Variants in TEX14 observed in about 807,000 individuals in gnomAD.
TEX14 encodes the protein inactive serine/threonine-protein kinase TEX14.
In TEX14, 168 loss-of-function variants were observed where a neutral mutation model predicts 178.6. That is an observed-to-expected ratio of 0.94 (90% CI 0.83 to 1.07). TEX14 has a LOEUF of 1.07. Among genes scored for constraint, TEX14 ranks in the 50% least tolerant of loss-of-function variants. The pLI is 0.00. For synonymous variants in TEX14, 626 were observed against 634.1 expected, an observed-to-expected ratio of 0.99 and a Z score of 0.19; for missense variants, 1,730 against 1,753.6, an observed-to-expected ratio of 0.99 and a Z score of 0.24.
chr17:58,612,051 C>T (rs1193677588), intron 9 of TEX14, among the ~76,000 whole-genome samples: 2 of 152,188 alleles, frequency 1.3e-5, no homozygotes, highest in Non-Finnish European at 2.9e-5. Context: ...ACTCCAAGAG[C>T]TCTCTAAACC....
At chr17:58,619,898 T>C (rs73327378) in intron 5 of TEX14, among the ~76,000 whole-genome samples, 2 of 152,020 alleles carry the variant, frequency 1.3e-5, no homozygotes, top group East Asian at 3.9e-4. Context: ...AACTAAATGC[T>C]GTATCTAGAT....
In TEX14 at chr17:58,585,934, C is replaced by A. The variant is rs55924999; in HGVS notation, c.2937G>T (p.Thr979=). The A allele has an allele frequency of 5.4e-3, 8,746 of 1,614,008 alleles. 36 individuals carry two copies. Among genetic ancestry groups the A allele is most frequent in the African/African-American group, 9.1e-3 (683 of 74,968 alleles). The part of the protein sequence containing the change: ...LQPPIRSPEN[T]DWQRVIEYHR... ...GATACTCAATAACTCGCTGCCAATC[C>A]GTGTTTTCTGGGCTCCTAATGGGGG... Residue 979 remains threonine, a synonymous_variant, in exon 18 of 32, where the codon ACG becomes ACT. Transcript: ENST00000349033.
rs747522674 is a variant in TEX14 at position 58,616,274 on chromosome 17, T to C, written c.668A>G (p.Tyr223Cys). 14 of 1,613,904 alleles carry C rather than the reference T, an allele frequency of 8.7e-6. No homozygotes were observed. The highest frequency in any genetic ancestry group is 1.1e-5 in the Non-Finnish European group (13 of 1,179,932). Residue 223 changes from tyrosine to cysteine, a missense_variant, in exon 7 of 32, where the codon TAT becomes TGT. By Grantham distance (194) the Tyr-to-Cys change is radical. Around this residue, in one of 2 missense-constraint regions of TEX14, gnomAD observed 789 missense variants for 681.2 expected, o/e 1.16. Transcript: ENST00000349033. ...TCCAATGACCGGAAGAGATCCTAGA[T>C]AGGCCATCTGTGTCGCCCCAGTAAG... ...FYLTGATQMAYLGSLPVIGEK... is the reference protein window; with the variant it reads ...FYLTGATQMACLGSLPVIGEK...
At chr17:58,645,055 A>C (rs891470652) in intron 2 of TEX14, among the ~76,000 whole-genome samples, 56 of 138,312 alleles carry the variant, frequency 4.0e-4, no homozygotes, top group African/African-American at 1.4e-3. Context: ...GCGTGATCTC[A>C]GCTCACTGCA....
chr17:58,571,533 T>C (rs2044529168), intron 24 of TEX14, among the ~76,000 whole-genome samples: 2 of 151,932 alleles, frequency 1.3e-5, no homozygotes, highest in South Asian at 4.2e-4. Context: ...CCACTGTGCC[T>C]GGCCAGAACT....
chr17:58,688,502 T>C (rs2047638652), intron 1 of TEX14, among the ~76,000 whole-genome samples: 1 of 152,208 alleles, frequency 6.6e-6, no homozygotes, highest in Admixed American at 6.5e-5. Flanking sequence ...TCCAACTGAA[T>C]ATGCGCATTA....
intron 14 of TEX14, among the ~76,000 whole-genome samples, chr17:58,598,154 A>C (rs1262694659): frequency 6.6e-6 from 1 of 151,948 alleles, no homozygotes; most frequent in African/African-American, 2.4e-5. Flanking sequence ...ATCTCTATTA[A>C]AAATACAAAA....
chr17:58,570,483 T>C lies in TEX14; in HGVS notation c.3719A>G (p.Lys1240Arg). Reference sequence around the variant, plus strand: ...AGCCCCAATAAATGAAGACAATCTTTTCTATAAGGAAGAGATAAACATGGT... The same window carrying C: ...AGCCCCAATAAATGAAGACAATCTTCTCTATAAGGAAGAGATAAACATGGT... ...ETPPSRLTGL[K>R]RLSSFIGAGS... The change falls in exon 25 of 32, where the codon AAA becomes AGA. Residue 1240 changes from lysine (K) to arginine (R), a missense_variant and splice_region_variant. Lys to Arg is a conservative substitution (Grantham distance 26). This residue lies in a region of TEX14 where 941 missense variants were observed against 1,072.4 expected (regional missense o/e 0.88). Transcript: ENST00000349033. 6.6e-7 allele frequency: 1 copy of C among 1,524,034 alleles called. No individual in the cohort carries two copies. The highest frequency in any genetic ancestry group is 8.7e-7 in the Non-Finnish European group (1 of 1,147,400). 94.4% of individuals were successfully genotyped at this position (1,524,034 alleles called of 1,614,324 possible).
chr17:58,642,848 C>T (rs1039672307), intron 2 of TEX14, among the ~76,000 whole-genome samples: 5 of 152,136 alleles, frequency 3.3e-5, no homozygotes, highest in African/African-American at 1.2e-4. Context: ...CACTCCAGTA[C>T]ATTCTCACTT....
rs1485861926 is a variant in TEX14 at position 58,557,837 on chromosome 17, G to C, written c.4281C>G (p.Ser1427=). 6.2e-7 allele frequency: 1 copy of C among 1,611,504 alleles called. No individual in the cohort carries two copies. Among genetic ancestry groups the C allele is most frequent in the East Asian group, 2.2e-5 (1 of 44,844 alleles). ...LGTSEEDELK[S]CFWKRLGWSE... is the part of the protein sequence containing the mutation. Reference sequence around the variant, plus strand: ...ACCAACCTAGTCGCTTCCAAAAACAGGATTTTAGTTCATCTTGATGAAATA... The same window carrying C: ...ACCAACCTAGTCGCTTCCAAAAACACGATTTTAGTTCATCTTGATGAAATA... The change falls in exon 31 of 32, where the codon TCC becomes TCG. Residue 1427 remains serine (S), a synonymous_variant. Coordinates refer to ENST00000349033, the MANE Select transcript of TEX14 (RefSeq NM_031272.5).
At chr17:58,558,449 G>A (rs1237553711) in intron 30 of TEX14, among the ~76,000 whole-genome samples, 2 of 152,174 alleles carry the variant, frequency 1.3e-5, no homozygotes, top group Admixed American at 6.5e-5. Flanking sequence ...AGTAAGCAGT[G>A]AGGCAAAGTA....
chr17:58,670,056 G>A (rs138944408), intron 1 of TEX14, among the ~76,000 whole-genome samples: 2 of 152,172 alleles, frequency 1.3e-5, no homozygotes, highest in East Asian at 1.9e-4. Flanking sequence ...GCCTTTGCCT[G>A]TGTAGTTCCC....
intron 1 of TEX14, among the ~76,000 whole-genome samples, chr17:58,671,117 T>TGTAGCTC (rs1432327675): frequency 5.3e-5 from 8 of 152,218 alleles, no homozygotes; most frequent in African/African-American, 1.9e-4. Flanking sequence ...TTCTTTGAGC[T>TGTAGCTC]ACATCCTGGG....
At chr17:58,638,547 T>TC (rs1428911079) in intron 2 of TEX14, among the ~76,000 whole-genome samples, 1 of 152,116 alleles carries the variant, frequency 6.6e-6, no homozygotes, top group Non-Finnish European at 1.5e-5. Flanking sequence ...CTATAATTCT[T>TC]TTTTTTCTGA....
At chr17:58,612,683 A>G (rs1461710257) in intron 9 of TEX14, among the ~76,000 whole-genome samples, 1 of 148,926 alleles carries the variant, frequency 6.7e-6, no homozygotes, top group Non-Finnish European at 1.5e-5. Flanking sequence ...TGCAGTGAGC[A>G]GAGATCGTGC....
chr17:58,676,569 G>T (rs142025758), intron 1 of TEX14, among the ~76,000 whole-genome samples: 2 of 151,934 alleles, frequency 1.3e-5, no homozygotes, highest in Admixed American at 1.3e-4. Context: ...TCAAACAAAA[G>T]AAAACAAAAC....
intron 5 of TEX14, among the ~76,000 whole-genome samples, chr17:58,620,445 T>C (rs1051565756): frequency 2.0e-5 from 3 of 152,122 alleles, no homozygotes; most frequent in Non-Finnish European, 2.9e-5. Context: ...TCCTCTCACC[T>C]CAGCCTCCAG....
intron 14 of TEX14, among the ~76,000 whole-genome samples, chr17:58,596,736 G>T (rs1204177775): frequency 2.0e-5 from 3 of 150,936 alleles, no homozygotes; most frequent in Admixed American, 6.6e-5. Flanking sequence ...AAAAAAAAAA[G>T]ATAAAGAAAT....
intron 1 of TEX14, among the ~76,000 whole-genome samples, chr17:58,662,565 G>C (rs923429828): frequency 1.3e-5 from 2 of 152,112 alleles, no homozygotes; most frequent in African/African-American, 4.8e-5. Context: ...GTTCCCTTAC[G>C]TGTGGGGAAG....
Sources: gnomAD v4.1 joint callset for allele counts (sites outside exome capture counted in the v4.1 genomes callset) on GRCh38, gnomAD v4.1.1 for gene constraint, gnomAD v4.1.1 regional missense constraint, MANE v1.5 for transcripts, NCBI Gene and HGNC (gene_info 2026-07-23, HGNC 2026-07-21) for gene names.